DDAH2: variants seen among roughly 807,000 people sequenced by gnomAD.
DDAH2 encodes the protein putative hydrolase DDAH2.
DDAH2 carries 8 observed loss-of-function variants against 24.8 expected under a neutral mutation model. The observed-to-expected ratio is 0.32, with a 90% CI of 0.19 to 0.58. The LOEUF (loss-of-function observed/expected upper bound fraction) is 0.58, where lower values mean the gene tolerates loss of function less well. Ranked by LOEUF, DDAH2 falls within the 20% of genes least tolerant of loss-of-function variation. The pLI, the probability that DDAH2 is intolerant of heterozygous loss-of-function variation, is 0.87. For synonymous variants in DDAH2, 151 were observed against 166.1 expected, an observed-to-expected ratio of 0.91 and a Z score of 0.70; for missense variants, 281 against 379.0, an observed-to-expected ratio of 0.74 and a Z score of 2.15.
At position 31,728,842 on chromosome 6, in the gene DDAH2, C is replaced by A. The variant is rs1006155349; in HGVS notation, c.297+23G>T. On this transcript the variant is annotated intron_variant, in intron 1 of 5. Coordinates refer to ENST00000375789, the MANE Select transcript of DDAH2 (RefSeq NM_001303007.2). This position sits in a 1 kb window ranked among gnomAD's most constrained non-coding sequence, Gnocchi z 9.8. The stretch of plus-strand genomic sequence containing the variant: ...CAGTTCCTTCTGCCTTTCCCCATAC[C>A]ACACCCGCGCCACGGCGCTCACCTC... 1 of 1,611,036 alleles carries A rather than the reference C, an allele frequency of 6.2e-7. No homozygotes were observed. Among genetic ancestry groups the A allele is most frequent in the African/African-American group, 1.3e-5 (1 of 74,950 alleles).
In DDAH2 at chr6:31,727,223, C is replaced by T. The variant is rs747497629; in HGVS notation, c.*14G>A. 2 of 1,601,580 alleles carry T rather than the reference C, an allele frequency of 1.2e-6. No homozygotes were observed. Among genetic ancestry groups the T allele is most frequent in the African/African-American group, 1.3e-5 (1 of 74,686 alleles). ...TATCCTACCCCTGGCCAGCAGTACCCCAAGGCCAGGCCCTCAGCTGTGGGG... is the reference window on the plus strand; with the variant it reads ...TATCCTACCCCTGGCCAGCAGTACCTCAAGGCCAGGCCCTCAGCTGTGGGG... On this transcript the variant is annotated 3_prime_UTR_variant, in exon 6 of 6. Transcript: ENST00000375789. This position sits in a 1 kb window ranked among gnomAD's most constrained non-coding sequence, Gnocchi z 6.0.
In DDAH2 at chr6:31,728,658, C is replaced by A; in HGVS notation, c.385G>T (p.Val129Phe). 1.2e-6 allele frequency: 2 copies of A among 1,612,994 alleles called. No homozygotes were observed. Among genetic ancestry groups the A allele is most frequent in the Non-Finnish European group, 1.7e-6 (2 of 1,179,986 alleles). Residue 129 changes from valine to phenylalanine, a missense_variant, in exon 2 of 6, where the codon GTT becomes TTT. Val to Phe is a conservative substitution (Grantham distance 50, BLOSUM62 -1). Transcript: ENST00000375789. This position sits in a 1 kb window ranked among gnomAD's most constrained non-coding sequence, Gnocchi z 9.8. ...CCCCCAGCCTCACCGGTGAAGAGAACGTCAGTGCCATCCAGCGTCGCGTTC... is the reference window on the plus strand; with the variant it reads ...CCCCCAGCCTCACCGGTGAAGAGAAAGTCAGTGCCATCCAGCGTCGCGTTC... ...DENATLDGTDVLFTGREFFVG... is the reference protein window; with the variant it reads ...DENATLDGTDFLFTGREFFVG...
In DDAH2 at chr6:31,727,121, A is replaced by C. The variant is rs1307284477; in HGVS notation, c.*116T>G. The C allele has an allele frequency of 9.2e-6, 7 of 758,208 alleles. No homozygotes were observed. The African/African-American group carries it at 1.2e-4, about 13-fold the overall frequency. 47.0% of individuals were successfully genotyped at this position (758,208 alleles called of 1,614,324 possible). A position where few individuals can be genotyped will look rare whatever the true frequency, so the allele number is the denominator to read the frequency against. ...TTTTCCCTACACTCTCCCCTCCCCC[A>C]ATATTGAGGCTCTCTCCCAACTACT... On this transcript the variant is annotated 3_prime_UTR_variant, in exon 6 of 6. Coordinates refer to ENST00000375789, the MANE Select transcript of DDAH2 (RefSeq NM_001303007.2). This position sits in a 1 kb window ranked among gnomAD's most constrained non-coding sequence, Gnocchi z 6.0.
Position 31,728,090 on chromosome 6 carries a change from G to A in DDAH2, c.591+83C>T, listed in dbSNP as rs1418640068. Reference sequence around the variant, plus strand: ...GACAGCCCATTGAGGGCAGGGGTTAGGGCTAATTTCCTAAGCCTCCCAGCT... The same window carrying A: ...GACAGCCCATTGAGGGCAGGGGTTAAGGCTAATTTCCTAAGCCTCCCAGCT... On this transcript the variant is annotated intron_variant, in intron 4 of 5. Coordinates refer to ENST00000375789, the MANE Select transcript of DDAH2 (RefSeq NM_001303007.2). The surrounding 1 kb of genome is among the most constrained non-coding windows in gnomAD (Gnocchi z 9.8). 1.6e-5 allele frequency: 24 copies of A among 1,530,450 alleles called. No homozygotes were observed. The Admixed American group carries it at 1.8e-4, about 12-fold the overall frequency. The allele number at this position is 1,530,450 out of a possible 1,614,324, so 94.8% of individuals were successfully genotyped here.
rs1350480293 is a variant in DDAH2 at position 31,728,069 on chromosome 6, G to A, written c.591+104C>T. ...TGTGTTCTTTCATGTAAGATGGACA[G>A]CCCATTGAGGGCAGGGGTTAGGGCT... On this transcript the variant is annotated intron_variant, in intron 4 of 5. Transcript: ENST00000375789. The surrounding 1 kb of genome is among the most constrained non-coding windows in gnomAD (Gnocchi z 9.8). The A allele has an allele frequency of 4.5e-6, 6 of 1,337,934 alleles. No homozygotes were observed. Among genetic ancestry groups the A allele is most frequent in the Non-Finnish European group, 6.2e-6 (6 of 968,872 alleles). 82.9% of individuals were successfully genotyped at this position (1,337,934 alleles called of 1,614,324 possible). A position where few individuals can be genotyped will look rare whatever the true frequency, so the allele number is the denominator to read the frequency against.
chr6:31,728,914 C>A lies in DDAH2; in HGVS notation c.248G>T (p.Gly83Val). The A allele has an allele frequency of 6.2e-7, 1 of 1,613,110 alleles. No homozygotes were observed. The highest frequency in any genetic ancestry group is 8.5e-7 in the Non-Finnish European group (1 of 1,180,028). The change falls in exon 1 of 6, where the codon GGG becomes GTG. Residue 83 changes from glycine (G) to valine (V), a missense_variant. Physicochemically the swap from Gly to Val is moderately radical, Grantham distance 109. Transcript: ENST00000375789. This position sits in a 1 kb window ranked among gnomAD's most constrained non-coding sequence, Gnocchi z 9.8. ...PLLGDTAVIQ[G>V]DTALITRPWS... is the part of the protein sequence containing the mutation. The stretch of plus-strand genomic sequence containing the variant: ...GGGCCGCGTGATTAGGGCCGTGTCC[C>A]CTTGGATCACGGCCGTGTCGCCAAG...
At position 31,729,097 on chromosome 6, in the gene DDAH2, C is replaced by T. The variant is rs1291783733; in HGVS notation, c.65G>A (p.Ser22Asn). 1 of 1,613,052 alleles carries T rather than the reference C, an allele frequency of 6.2e-7. No individual in the cohort carries two copies. Among genetic ancestry groups the T allele is most frequent in the South Asian group, 1.1e-5 (1 of 91,088 alleles). ...SHALIRGVPESLASGEGAGAG... is the reference protein window; with the variant it reads ...SHALIRGVPENLASGEGAGAG... ...CCCCGCACCTTCCCCCGACGCCAGGCTCTCTGGGACTCCCCGGATCAGGGC... is the reference window on the plus strand; with the variant it reads ...CCCCGCACCTTCCCCCGACGCCAGGTTCTCTGGGACTCCCCGGATCAGGGC... Residue 22 changes from serine (S) to asparagine (N), a missense_variant, in exon 1 of 6, where the codon AGC becomes AAC. Transcript: ENST00000375789. This position sits in a 1 kb window ranked among gnomAD's most constrained non-coding sequence, Gnocchi z 6.7.
rs1429997236 is a variant in DDAH2, at chr6:31,729,281, G to T, written c.-120C>A. On this transcript the variant is annotated 5_prime_UTR_variant, in exon 1 of 6. Transcript: ENST00000375789. The surrounding 1 kb of genome is among the most constrained non-coding windows in gnomAD (Gnocchi z 6.7). ...GAGAAAAAGACATGCAGACAAGGGC[G>T]TTGGGGGTGGTTAAGAGCGCCCAGG... The T allele has an allele frequency of 4.4e-6, 4 of 913,144 alleles. No homozygotes were observed. Among genetic ancestry groups the T allele is most frequent in the Non-Finnish European group, 6.6e-6 (4 of 607,974 alleles). 56.6% of individuals were successfully genotyped at this position (913,144 alleles called of 1,614,324 possible).
In DDAH2 at chr6:31,728,140, C is replaced by T. The variant is rs1807525414; in HGVS notation, c.591+33G>A. On this transcript the variant is annotated intron_variant, in intron 4 of 5. Coordinates refer to ENST00000375789, the MANE Select transcript of DDAH2 (RefSeq NM_001303007.2). This position sits in a 1 kb window ranked among gnomAD's most constrained non-coding sequence, Gnocchi z 9.8. ...TCCCGGCCTCCCGGGCCCAGAACTG[C>T]GCCCACTTTCGTTGGCCCCGCCCCC... 6.2e-7 allele frequency: 1 copy of T among 1,606,742 alleles called. No individual in the cohort carries two copies. Among genetic ancestry groups the T allele is most frequent in the Non-Finnish European group, 8.5e-7 (1 of 1,178,958 alleles).
At position 31,728,993 on chromosome 6, in the gene DDAH2, C is replaced by T. The variant is rs1009304954; in HGVS notation, c.169G>A (p.Gly57Arg). The change falls in exon 1 of 6, where the codon GGG becomes AGG. Residue 57 changes from glycine (G) to arginine (R), a missense_variant. Coordinates refer to ENST00000375789, the MANE Select transcript of DDAH2 (RefSeq NM_001303007.2). The surrounding 1 kb of genome is among the most constrained non-coding windows in gnomAD (Gnocchi z 9.8). ...GGTGGCAGTTCTAGCAGCTGTAGCC[C>T]CAGTCGTTGCCTCAGTTTACCTCCC... ...VLGGKLRQRL[G>R]LQLLELPPEE... 2 of 1,612,986 alleles carry T rather than the reference C, an allele frequency of 1.2e-6. No individual in the cohort carries two copies. The highest frequency in any genetic ancestry group is 1.3e-5 in the African/African-American group (1 of 74,936).
At position 31,727,836 on chromosome 6, in the gene DDAH2, C is replaced by G. The variant is rs1284851364; in HGVS notation, c.592-144G>C. The stretch of plus-strand genomic sequence containing the variant: ...CATAGAGCTTACGATATGTCAGACA[C>G]TAAGTACTTTAGTTACCTTTGCTAA... On this transcript the variant is annotated intron_variant, in intron 4 of 5. Coordinates refer to ENST00000375789, the MANE Select transcript of DDAH2 (RefSeq NM_001303007.2). This position sits in a 1 kb window ranked among gnomAD's most constrained non-coding sequence, Gnocchi z 6.0. 4.2e-6 allele frequency: 4 copies of G among 959,182 alleles called. No homozygotes were observed. The highest frequency in any genetic ancestry group is 1.7e-5 in the South Asian group (1 of 59,950). The allele number at this position is 959,182 out of a possible 1,614,324, so 59.4% of individuals were successfully genotyped here. A position where few individuals can be genotyped will look rare whatever the true frequency, so the allele number is the denominator to read the frequency against.
upstream of DDAH2, chr6:31,729,708 T>G (rs1187109409): frequency 6.2e-6 from 1 of 160,160 alleles, no homozygotes; most frequent in African/African-American, 2.4e-5. This position sits in a 1 kb window ranked among gnomAD's most constrained non-coding sequence, Gnocchi z 6.7. Context: ...GAGAGGTGGG[T>G]AGGAAGGGAG....
rs768902016 is a variant in DDAH2 at position 31,727,606 on chromosome 6, C to T, written c.678G>A (p.Gly226=). The T allele has an allele frequency of 2.5e-6, 4 of 1,613,048 alleles. No homozygotes were observed. Among genetic ancestry groups the T allele is most frequent in the Non-Finnish European group, 3.4e-6 (4 of 1,180,026 alleles). Residue 226 remains glycine, a synonymous_variant, in exon 5 of 6, where the codon GGG becomes GGA. Transcript: ENST00000375789. This position sits in a 1 kb window ranked among gnomAD's most constrained non-coding sequence, Gnocchi z 6.0. ...GGAGGAAAGGGGGCACACCAGGCAACCCAGGACGAAGAAAGAGACAGTCAG... is the reference window on the plus strand; with the variant it reads ...GGAGGAAAGGGGGCACACCAGGCAATCCAGGACGAAGAAAGAGACAGTCAG... The part of the protein sequence containing the change: ...AAADCLFLRP[G]LPGVPPFLLH...
chr6:31,729,492 T>G (rs1270527004), upstream of DDAH2: 1 of 339,618 alleles, frequency 2.9e-6, no homozygotes. This position sits in a 1 kb window ranked among gnomAD's most constrained non-coding sequence, Gnocchi z 6.7. Context: ...GCTTGTGAGG[T>G]CCCTGTCGGG....
Position 31,728,753 on chromosome 6 carries a change from TAGG to T in DDAH2, c.298-11_298-9del. 2.5e-6 allele frequency: 4 copies of T among 1,612,860 alleles called. No homozygotes were observed. Among genetic ancestry groups the T allele is most frequent in the Non-Finnish European group, 3.4e-6 (4 of 1,179,930 alleles). On this transcript the variant is annotated splice_polypyrimidine_tract_variant and intron_variant, in intron 1 of 5. Coordinates refer to ENST00000375789, the MANE Select transcript of DDAH2 (RefSeq NM_001303007.2). This position sits in a 1 kb window ranked among gnomAD's most constrained non-coding sequence, Gnocchi z 9.8. ...TTTGCGGACTCCATCGACCTTAGGA[TAGG>T]AGAAGAGGGCACGGAGCTGTGACAC...
upstream of DDAH2, chr6:31,730,054 C>T: frequency 6.5e-6 from 1 of 152,830 alleles, no homozygotes; most frequent in Non-Finnish European, 1.5e-5. This position sits in a 1 kb window ranked among gnomAD's most constrained non-coding sequence, Gnocchi z 5.1. Context: ...GACTCACCTC[C>T]AGCGGCCACC....
rs766404608 is a variant in DDAH2, at chr6:31,728,849, G to A, written c.297+16C>T. ...TTCTGCCTTTCCCCATACCACACCC[G>A]CGCCACGGCGCTCACCTCTGGCCTA... is the stretch of plus-strand genomic sequence containing the variant. On this transcript the variant is annotated intron_variant, in intron 1 of 5. Transcript: ENST00000375789. The surrounding 1 kb of genome is among the most constrained non-coding windows in gnomAD (Gnocchi z 9.8). The A allele has an allele frequency of 2.5e-6, 4 of 1,611,098 alleles. No individual in the cohort carries two copies. Among genetic ancestry groups the A allele is most frequent in the South Asian group, 2.2e-5 (2 of 90,978 alleles).
In DDAH2 at chr6:31,729,293, T is replaced by C; in HGVS notation, c.-132A>G. ...TGCAGACAAGGGCGTTGGGGGTGGT[T>C]AAGAGCGCCCAGGTCTTCCTCCTGC... On this transcript the variant is annotated 5_prime_UTR_variant, in exon 1 of 6. Coordinates refer to ENST00000375789, the MANE Select transcript of DDAH2 (RefSeq NM_001303007.2). The surrounding 1 kb of genome is among the most constrained non-coding windows in gnomAD (Gnocchi z 6.7). The C allele has an allele frequency of 2.5e-6, 2 of 794,094 alleles. No homozygotes were observed. Among genetic ancestry groups the C allele is most frequent in the Non-Finnish European group, 4.0e-6 (2 of 504,370 alleles). 49.2% of individuals were successfully genotyped at this position (794,094 alleles called of 1,614,324 possible). A position where few individuals can be genotyped will look rare whatever the true frequency, so the allele number is the denominator to read the frequency against.
rs1167031481 is a variant in DDAH2 at position 31,729,078 on chromosome 6, A to C, written c.84T>G (p.Gly28=). 2 of 1,612,774 alleles carry C rather than the reference A, an allele frequency of 1.2e-6. No individual in the cohort carries two copies. Among genetic ancestry groups the C allele is most frequent in the Non-Finnish European group, 1.7e-6 (2 of 1,179,940 alleles). The change falls in exon 1 of 6, where the codon GGT becomes GGG. Residue 28 remains glycine (G), a synonymous_variant. Transcript: ENST00000375789. This position sits in a 1 kb window ranked among gnomAD's most constrained non-coding sequence, Gnocchi z 6.7. ...CCAGAGCGGGAAGGCCAGCCCCCGCACCTTCCCCCGACGCCAGGCTCTCTG... is the reference window on the plus strand; with the variant it reads ...CCAGAGCGGGAAGGCCAGCCCCCGCCCCTTCCCCCGACGCCAGGCTCTCTG... ...GVPESLASGE[G]AGAGLPALDL...
Sources: gnomAD v4.1 joint callset for allele counts on GRCh38, gnomAD v4.1.1 for gene constraint, Gnocchi (gnomAD v3.1) non-coding constraint, MANE v1.5 for transcripts, NCBI Gene and HGNC (gene_info 2026-07-23, HGNC 2026-07-21) for gene names.